The following TSC2 variants were observed in gnomAD, a reference collection of about 807,000 sequenced individuals.
The protein encoded by TSC2 is tuberin.
In TSC2, 29 loss-of-function variants were observed where a neutral mutation model predicts 202.2. The ratio of observed to expected loss-of-function variants is 0.14; its 90% CI spans 0.11 to 0.20. The LOEUF (loss-of-function observed/expected upper bound fraction) is 0.20, where lower values mean the gene tolerates loss of function less well. TSC2 is among the 10% of genes least tolerant of loss of function. The pLI is 1.00. For missense variants in TSC2, 2,429 were observed against 2,420.0 expected (o/e 1.00, Z -0.08); for synonymous variants, 1,349 against 1,044.0 (o/e 1.29, Z -5.63).
chr16:2,088,906 T>G lies in TSC2; in HGVS notation c.*296T>G. On this transcript the variant is annotated 3_prime_UTR_variant, in exon 42 of 42. Transcript: ENST00000219476. ...GCACACACACACACACACAGTCACC[T>G]TCCTCCACCCTGGGAGCCAGCCCCC... is the stretch of plus-strand genomic sequence containing the variant. 5.0e-6 allele frequency: 2 copies of G among 398,742 alleles called. No individual in the cohort carries two copies. Among genetic ancestry groups the G allele is most frequent in the Non-Finnish European group, 9.2e-6 (2 of 217,090 alleles). 24.7% of individuals were successfully genotyped at this position (398,742 alleles called of 1,614,324 possible). A position where few individuals can be genotyped will look rare whatever the true frequency, so the allele number is the denominator to read the frequency against.
At chr16:2,081,365 G>C in intron 30 of TSC2, 1 of 601,476 alleles carries the variant, frequency 1.7e-6, no homozygotes, top group Non-Finnish European at 3.0e-6. Flanking sequence ...CTGTGGGCTG[G>C]AGGCCGCTGC....
chr16:2,060,851 C>T (rs1397003487), intron 11 of TSC2, 38 bp downstream of exon 11: 7 of 1,609,986 alleles, frequency 4.3e-6, no homozygotes, highest in African/African-American at 1.3e-5. Flanking sequence ...GCACCGGGAA[C>T]CCAGACAGGC....
chr16:2,081,221 G>C, intron 30 of TSC2: 1 of 366,212 alleles, frequency 2.7e-6, no homozygotes, highest in Non-Finnish European at 5.3e-6. Context: ...CCCCCGCAGA[G>C]GCCCAGAGCC....
rs1423647790 is a variant in TSC2 at position 2,084,727 on chromosome 16, G to C, written c.4493+12G>C. 1 of 1,598,438 alleles carries C rather than the reference G, an allele frequency of 6.3e-7. No homozygotes were observed. The highest frequency in any genetic ancestry group is 1.1e-5 in the South Asian group (1 of 91,082). ...GGCATCAACCCCAGGTGGGCCTCTT[G>C]CTTCCGGGCGGGGCTCCTGACACCT... is the stretch of plus-strand genomic sequence containing the variant. On this transcript the variant is annotated intron_variant, in intron 34 of 41. Transcript: ENST00000219476.
In TSC2 at chr16:2,081,777, C is replaced by T. The variant is rs45517311; in HGVS notation, c.3793C>T (p.Pro1265Ser). The T allele has an allele frequency of 1.2e-5, 20 of 1,612,422 alleles. No individual in the cohort carries two copies. The Admixed American group carries it at 2.7e-4, about 21-fold the overall frequency. ...GGCAGCCAGCACGGCCAAACCCCCT[C>T]CTCTGCCTCGCTCCAACACAGGTGA... The part of the protein sequence containing the change: ...VPAASTAKPP[P>S]LPRSNTVASF... The change falls in exon 31 of 42, where the codon CCT becomes TCT. Residue 1265 changes from proline to serine, a missense_variant. Physicochemically the swap from Pro to Ser is moderately conservative, Grantham distance 74. Coordinates refer to ENST00000219476, the MANE Select transcript of TSC2 (RefSeq NM_000548.5).
chr16:2,058,147 C>T (rs1379128402), intron 9 of TSC2, among the ~76,000 whole-genome samples: 1 of 148,650 alleles, frequency 6.7e-6, no homozygotes, highest in African/African-American at 2.5e-5. Flanking sequence ...CTCCCTCCCT[C>T]CTCCCGTAGA....
rs2084960700 is a variant in TSC2 at position 2,050,433 on chromosome 16, A to G, written c.172A>G (p.Ile58Val). Residue 58 changes from isoleucine (I) to valine (V), a missense_variant, in exon 3 of 42, where the codon ATC becomes GTC. By Grantham distance (29) the Ile-to-Val change is conservative. Transcript: ENST00000219476. ...CATGGAATGTGGCCTCAACAATCGC[A>G]TCCGGATGATAGGGCAGATTTGTGA... is the stretch of plus-strand genomic sequence containing the variant. ...LSMECGLNNR[I>V]RMIGQICEVA... 23 of 1,613,698 alleles carry G rather than the reference A, an allele frequency of 1.4e-5. No homozygotes were observed. The highest frequency in any genetic ancestry group is 1.9e-5 in the Non-Finnish European group (23 of 1,179,878).
rs2151429722 is a variant in TSC2, at chr16:2,079,020, C to T, written c.2967-12C>T. 2 of 1,612,354 alleles carry T rather than the reference C, an allele frequency of 1.2e-6. No homozygotes were observed. Among genetic ancestry groups the T allele is most frequent in the East Asian group, 2.2e-5 (1 of 44,874 alleles). On this transcript the variant is annotated splice_polypyrimidine_tract_variant and intron_variant, in intron 26 of 41. Transcript: ENST00000219476. This position sits in a 1 kb window ranked among gnomAD's most constrained non-coding sequence, Gnocchi z 4.6. ...CTGGCACCCTGACCCTGGTCACGGC[C>T]TCTCCCTCCAGCAGGATACAGACGT...
At chr16:2,085,844 G>C (rs1441339505) in intron 36 of TSC2, among the ~76,000 whole-genome samples, 1 of 152,194 alleles carries the variant, frequency 6.6e-6, no homozygotes, top group East Asian at 1.9e-4. Context: ...ACTCCGCCCA[G>C]TCTCAGTGAG....
chr16:2,060,072 C>G (rs1204971222), intron 10 of TSC2, among the ~76,000 whole-genome samples: 2 of 152,168 alleles, frequency 1.3e-5, no homozygotes, highest in African/African-American at 4.8e-5. Context: ...CTGTTGGCGG[C>G]TCTGTTTTGT....
In TSC2 at chr16:2,071,490, C is replaced by T. The variant is rs370980659; in HGVS notation, c.1840-20C>T. The stretch of plus-strand genomic sequence containing the variant: ...CCTGCACGAGCTTGGCTCTGGCTTT[C>T]ACCATCCTCTTCCTGACAGGCCTTT... On this transcript the variant is annotated intron_variant, in intron 17 of 41. Transcript: ENST00000219476. The T allele has an allele frequency of 1.1e-5, 17 of 1,613,076 alleles. No individual in the cohort carries two copies. The highest frequency in any genetic ancestry group is 6.7e-5 in the Admixed American group (4 of 59,996).
In TSC2 at chr16:2,079,051, A is replaced by G. The variant is rs139753238; in HGVS notation, c.2986A>G (p.Thr996Ala). ...CTCCAGCAGGATACAGACGTCCCTC[A>G]CCAGTGCCAGCTTGGGGTCTGCAGA... ...VVRSRIQTSL[T>A]SASLGSADEN... Residue 996 changes from threonine to alanine, a missense_variant, in exon 27 of 42, where the codon ACC becomes GCC. Transcript: ENST00000219476. This position sits in a 1 kb window ranked among gnomAD's most constrained non-coding sequence, Gnocchi z 4.6. 1.7e-5 allele frequency: 28 copies of G among 1,612,684 alleles called. No homozygotes were observed. The African/African-American group carries it at 3.6e-4, about 21-fold the overall frequency.
In TSC2 at chr16:2,055,529, G is replaced by A. The variant is rs1037449903; in HGVS notation, c.599+10G>A. ...TCGCAAGGATGGTTCAGTAAGAAAAGAATTGAGATCCTGTTCTGATAATGG... is the reference window on the plus strand; with the variant it reads ...TCGCAAGGATGGTTCAGTAAGAAAAAAATTGAGATCCTGTTCTGATAATGG... On this transcript the variant is annotated intron_variant, in intron 6 of 41. Transcript: ENST00000219476. The A allele has an allele frequency of 6.2e-7, 1 of 1,608,842 alleles. No homozygotes were observed. The highest frequency in any genetic ancestry group is 1.1e-5 in the South Asian group (1 of 90,990).
Position 2,055,536 on chromosome 16 carries a change from G to C in TSC2, c.599+17G>C, listed in dbSNP as rs533989586. Reference sequence around the variant, plus strand: ...GATGGTTCAGTAAGAAAAGAATTGAGATCCTGTTCTGATAATGGTCCTAAG... The same window carrying C: ...GATGGTTCAGTAAGAAAAGAATTGACATCCTGTTCTGATAATGGTCCTAAG... On this transcript the variant is annotated intron_variant, in intron 6 of 41. Coordinates refer to ENST00000219476, the MANE Select transcript of TSC2 (RefSeq NM_000548.5). 4.8e-5 allele frequency: 77 copies of C among 1,603,426 alleles called. No homozygotes were observed. Among genetic ancestry groups the C allele is most frequent in the East Asian group, 4.5e-4 (20 of 44,814 alleles).
At chr16:2,074,736 G>C in intron 22 of TSC2, 1 of 400,740 alleles carries the variant, frequency 2.5e-6, no homozygotes, top group Non-Finnish European at 4.8e-6. Context: ...GTGACTTCAG[G>C]AGCTCAGGTG....
chr16:2,053,484 C>T lies in TSC2; in HGVS notation c.336+32C>T, dbSNP rs45517103. ...CCCAGGGCGACGCTGGGATGGGTGACGTCAGGCTGCCCACTGACTGTCCTG... is the reference window on the plus strand; with the variant it reads ...CCCAGGGCGACGCTGGGATGGGTGATGTCAGGCTGCCCACTGACTGTCCTG... On this transcript the variant is annotated intron_variant, in intron 4 of 41. Transcript: ENST00000219476. 9,555 of 1,538,092 alleles carry T rather than the reference C, an allele frequency of 6.2e-3. 38 individuals carry two copies. The highest frequency in any genetic ancestry group is 7.1e-3 in the Non-Finnish European group (8,052 of 1,138,374).
At chr16:2,065,039 A>C in intron 15 of TSC2, 1 of 187,162 alleles carries the variant, frequency 5.3e-6, no homozygotes, top group South Asian at 1.0e-4. Flanking sequence ...GCTTGAACCT[A>C]GGAGGTGAAG....
rs761713908 is a variant in TSC2, at chr16:2,082,446, C to T, written c.3825C>T (p.Phe1275=). The change falls in exon 32 of 42, where the codon TTC becomes TTT. Residue 1275 remains phenylalanine (F), a synonymous_variant. Transcript: ENST00000219476. ...PLPRSNTVAS[F]SSLYQSSCQG... ...GGCCTTCCCTTGCAGTGGCCTCTTT[C>T]TCCTCCCTGTACCAGTCCAGCTGCC... is the stretch of plus-strand genomic sequence containing the variant. The T allele has an allele frequency of 6.2e-7, 1 of 1,612,620 alleles. No individual in the cohort carries two copies. The highest frequency in any genetic ancestry group is 2.2e-5 in the East Asian group (1 of 44,878).
intron 26 of TSC2, chr16:2,078,749 C>G (rs989644485): frequency 2.0e-6 from 1 of 510,622 alleles, no homozygotes. Context: ...AGGCCGTAAC[C>G]TAGTGCTCCC....
Sources: gnomAD v4.1 joint callset for allele counts (sites outside exome capture counted in the v4.1 genomes callset) on GRCh38, gnomAD v4.1.1 for gene constraint, Gnocchi (gnomAD v3.1) non-coding constraint, MANE v1.5 for transcripts, NCBI Gene and HGNC (gene_info 2026-07-23, HGNC 2026-07-21) for gene names.